Variants in MBP observed in about 807,000 individuals in gnomAD.
MBP encodes Golli-MBP.
MBP carries 16 observed loss-of-function variants against 35.8 expected under a neutral mutation model. The ratio of observed to expected loss-of-function variants is 0.45; its 90% confidence interval spans 0.30 to 0.68. The LOEUF is 0.68. MBP is among the 30% of genes least tolerant of loss of function. The pLI is 0.08. For synonymous variants in MBP, 143 were observed against 159.6 expected, an observed-to-expected ratio of 0.90 and a Z score of 0.78; for missense variants, 380 against 404.7, an observed-to-expected ratio of 0.94 and a Z score of 0.52.
At chr18:77,031,575 G>T (rs1437131259) in intron 3 of MBP, among the ~76,000 whole-genome samples, 1 of 152,218 alleles carries the variant, frequency 6.6e-6, no homozygotes, top group Non-Finnish European at 1.5e-5. Flanking sequence ...CAATTTCCAG[G>T]GTACTGTTCT....
intron 3 of MBP, among the ~76,000 whole-genome samples, chr18:77,056,671 G>A (rs891348842): frequency 2.0e-5 from 3 of 152,194 alleles, no homozygotes; most frequent in African/African-American, 7.2e-5. Context: ...TCAGCAGGGT[G>A]GAGTTCAGCT....
At chr18:77,061,035 C>T (rs771465675) in intron 3 of MBP, among the ~76,000 whole-genome samples, 1 of 152,226 alleles carries the variant, frequency 6.6e-6, no homozygotes, top group Non-Finnish European at 1.5e-5. Flanking sequence ...GAACTTTGTG[C>T]TATGAAATGC....
rs1361827801 is a variant in MBP, at chr18:77,102,996, C to G, written c.51+2215G>C. ...GGGCTGAACAAAATAATGAGTCACC[C>G]TCCCATTCAACATTGACTAGAACCA... On this transcript the variant is annotated intron_variant, in intron 2 of 8. Transcript: ENST00000355994. The surrounding 1 kb of genome is among the most constrained non-coding windows in gnomAD (Gnocchi z 4.4). Among the ~76,000 whole-genome samples the G allele has an allele frequency of 6.6e-6, 1 of 152,014 alleles. No homozygotes were observed. The highest frequency in any genetic ancestry group is 1.5e-5 in the Non-Finnish European group (1 of 67,974).
At chr18:77,016,158 T>TTG (rs1971616106) in intron 4 of MBP, 1 of 984,712 alleles carries the variant, frequency 1.0e-6, no homozygotes, top group Admixed American at 6.2e-5. Flanking sequence ...GCAGAGTTTT[T>TTG]TTTTTTTGTA....
chr18:77,077,189 T>C (rs1262098007), intron 2 of MBP, among the ~76,000 whole-genome samples: 1 of 151,578 alleles, frequency 6.6e-6, no homozygotes, highest in Admixed American at 6.6e-5. Context: ...GGTGAAACCC[T>C]GTCACTACTA....
At chr18:77,028,813 A>G (rs1409264300) in intron 3 of MBP, among the ~76,000 whole-genome samples, 2 of 72,096 alleles carry the variant, frequency 2.8e-5, no homozygotes, top group African/African-American at 7.9e-5. Context: ...GACTTCTCAG[A>G]CGGGGCGGCC....
At chr18:77,124,819 C>T (rs1205068255) in intron 1 of MBP, among the ~76,000 whole-genome samples, 1 of 152,156 alleles carries the variant, frequency 6.6e-6, no homozygotes. Context: ...CTTAGAGGCC[C>T]AGCTCATTAT....
intron 1 of MBP, among the ~76,000 whole-genome samples, chr18:77,106,357 A>G (rs1976276267): frequency 6.6e-6 from 1 of 152,156 alleles, no homozygotes; most frequent in Admixed American, 6.5e-5. Context: ...TTGGTGGCTC[A>G]GGAAGACTGG....
chr18:77,033,510 T>C (rs1005897060), intron 3 of MBP, among the ~76,000 whole-genome samples: 2 of 152,118 alleles, frequency 1.3e-5, no homozygotes, highest in Middle Eastern at 3.2e-3. Context: ...TGGAAACACC[T>C]TGTGCACAGG....
At chr18:77,078,463 G>A (rs1340282498) in intron 2 of MBP, among the ~76,000 whole-genome samples, 1 of 152,186 alleles carries the variant, frequency 6.6e-6, no homozygotes, top group Non-Finnish European at 1.5e-5. Flanking sequence ...TCTGGAGAAG[G>A]GAGTAGAAAG....
At chr18:77,052,285 G>A (rs1366315886) in intron 3 of MBP, among the ~76,000 whole-genome samples, 1 of 152,204 alleles carries the variant, frequency 6.6e-6, no homozygotes, top group Non-Finnish European at 1.5e-5. Flanking sequence ...TCAAATTGGG[G>A]ATCCAAGACC....
At chr18:77,096,680 T>C (rs1975771062) in intron 2 of MBP, among the ~76,000 whole-genome samples, 1 of 152,214 alleles carries the variant, frequency 6.6e-6, no homozygotes, top group South Asian at 2.1e-4. Flanking sequence ...GCCCAGTGTC[T>C]AGCTTTTCTC....
chr18:77,007,586 C>G (rs182777568), intron 4 of MBP, among the ~76,000 whole-genome samples: 1 of 152,216 alleles, frequency 6.6e-6, no homozygotes, highest in Non-Finnish European at 1.5e-5. Context: ...TTTCAACTTA[C>G]GCTTATCTTC....
intron 4 of MBP, chr18:77,004,672 T>A (rs886117757): frequency 6.6e-6 from 1 of 152,378 alleles, no homozygotes; most frequent in East Asian, 1.9e-4. Context: ...TTGCAGAGGA[T>A]GCAGCTCCTT....
intron 1 of MBP, among the ~76,000 whole-genome samples, chr18:77,124,526 G>A (rs1008554418): frequency 4.6e-5 from 7 of 151,958 alleles, no homozygotes; most frequent in Non-Finnish European, 8.8e-5. Flanking sequence ...CTGCACCCCC[G>A]GAAGTGGGGG....
At position 77,069,937 on chromosome 18, in the gene MBP, A is replaced by G. The variant is rs186288149; in HGVS notation, c.52-3552T>C. Among the ~76,000 whole-genome samples the G allele has an allele frequency of 4.5e-4, 68 of 152,312 alleles. 1 individual carries two copies. The highest frequency in any genetic ancestry group is 1.6e-3 in the African/African-American group (65 of 41,556). On this transcript the variant is annotated intron_variant, in intron 2 of 8. Transcript: ENST00000355994. ...TGATGGTTCAACATCTCTAGGTCATACAGGGACACAGGACGCGTGCAGAAA... is the reference window on the plus strand; with the variant it reads ...TGATGGTTCAACATCTCTAGGTCATGCAGGGACACAGGACGCGTGCAGAAA...
chr18:77,103,496 G>A (rs1163789584), intron 2 of MBP, among the ~76,000 whole-genome samples: 1 of 152,208 alleles, frequency 6.6e-6, no homozygotes, highest in African/African-American at 2.4e-5. Context: ...AAACATGTAT[G>A]TTTAAAAAAT....
intron 3 of MBP, among the ~76,000 whole-genome samples, chr18:77,045,580 T>C (rs572945357): frequency 2.6e-5 from 4 of 152,362 alleles, no homozygotes; most frequent in Admixed American, 6.5e-5. Context: ...CACCGACTTC[T>C]GCTGCAAATT....
intron 3 of MBP, among the ~76,000 whole-genome samples, chr18:77,024,457 G>T (rs1972117550): frequency 6.6e-6 from 1 of 152,252 alleles, no homozygotes; most frequent in Admixed American, 6.5e-5. Context: ...AAACCATTTA[G>T]CATGGCTCTG....
Sources: allele counts gnomAD v4.1 joint callset (sites outside exome capture counted in the v4.1 genomes callset), GRCh38; gene constraint gnomAD v4.1.1; non-coding constraint Gnocchi (gnomAD v3.1); transcripts MANE v1.5; gene names NCBI Gene and HGNC (gene_info 2026-07-23, HGNC 2026-07-21).